The following LRBA variants were observed in gnomAD, a reference collection of about 807,000 sequenced individuals.
LRBA encodes LPS responsive beige-like anchor protein.
LRBA carries 176 observed loss-of-function variants against 330.0 expected under a neutral mutation model. The ratio of observed to expected loss-of-function variants is 0.53; its 90% CI spans 0.47 to 0.60. The LOEUF (loss-of-function observed/expected upper bound fraction) is 0.60, where lower values mean the gene tolerates loss of function less well. Ranked by LOEUF, LRBA falls within the 20% of genes least tolerant of loss-of-function variation. The pLI, the probability that LRBA is intolerant of heterozygous loss-of-function variation, is 0.00. For synonymous variants in LRBA, 1,230 were observed against 1,193.0 expected (o/e 1.03, Z -0.64); for missense variants, 3,259 against 3,444.8 (o/e 0.95, Z 1.35).
intron 40 of LRBA, among the ~76,000 whole-genome samples, chr4:150,563,743 G>A (rs1028999124): frequency 1.2e-4 from 19 of 152,068 alleles, no homozygotes; most frequent in Non-Finnish European, 1.5e-5. Flanking sequence ...ACCAATAACA[G>A]ACAAACAGAG....
At chr4:150,590,931 G>A (rs1026974678) in intron 38 of LRBA, 72 bp from the exon 39 acceptor site, 1 of 1,423,136 alleles carries the variant, frequency 7.0e-7, no homozygotes, top group African/African-American at 1.4e-5. Flanking sequence ...TAGGGGCTTA[G>A]GTAAGGGTAG....
At chr4:150,697,351 A>AAAAAAAAAAAAAG (rs1491393713) in intron 36 of LRBA, among the ~76,000 whole-genome samples, 1 of 147,974 alleles carries the variant, frequency 6.8e-6, no homozygotes, top group African/African-American at 2.5e-5. Context: ...AAAAAAAAAA[A>AAAAAAAAAAAAAG]CAGGGAGAGT....
intron 47 of LRBA, among the ~76,000 whole-genome samples, chr4:150,376,940 A>G (rs9999796): frequency 0.72 from 109,289 of 151,654 alleles, 40,137 homozygotes; most frequent in East Asian, 0.79. Context: ...CCTCAAAGAA[A>G]CCATGCCCAC....
chr4:150,531,920 C>T (rs766737945), intron 40 of LRBA, among the ~76,000 whole-genome samples: 10 of 152,142 alleles, frequency 6.6e-5, no homozygotes, highest in East Asian at 1.9e-4. Context: ...CTCTACCATG[C>T]GTATCATTTA....
chr4:150,569,741 G>C (rs1439008043), intron 40 of LRBA, among the ~76,000 whole-genome samples: 1 of 151,958 alleles, frequency 6.6e-6, no homozygotes, highest in Non-Finnish European at 1.5e-5. Flanking sequence ...ATTTAATAGT[G>C]AGGGCCCAGA....
chr4:150,643,665 T>C (rs1205534855), intron 37 of LRBA, among the ~76,000 whole-genome samples: 2 of 151,960 alleles, frequency 1.3e-5, no homozygotes, highest in Admixed American at 1.3e-4. Flanking sequence ...CAGGGCTTTG[T>C]ACATTTCAAA....
chr4:150,909,988 T>C (rs753212561), intron 9 of LRBA, among the ~76,000 whole-genome samples: 1 of 152,168 alleles, frequency 6.6e-6, no homozygotes, highest in Non-Finnish European at 1.5e-5. Flanking sequence ...AACTCTTTTA[T>C]GCATTTTTAA....
chr4:150,762,804 C>T (rs1735273554), intron 34 of LRBA, among the ~76,000 whole-genome samples: 1 of 151,868 alleles, frequency 6.6e-6, no homozygotes, highest in African/African-American at 2.4e-5. Flanking sequence ...AATCAAAAGG[C>T]CATGTCTGGC....
intron 40 of LRBA, 86 bp from the exon 41 acceptor site, chr4:150,491,121 C>G: frequency 1.8e-6 from 1 of 550,434 alleles, no homozygotes; most frequent in Non-Finnish European, 3.2e-6. Context: ...AGAAAAGACC[C>G]TATTAAGAAA....
At chr4:150,673,246 A>G (rs1459988807) in intron 37 of LRBA, among the ~76,000 whole-genome samples, 1 of 152,210 alleles carries the variant, frequency 6.6e-6, no homozygotes, top group African/African-American at 2.4e-5. Flanking sequence ...TTTAAGACAG[A>G]AAAAAATTGA....
chr4:150,791,597 A>T (rs1180201676), intron 34 of LRBA, among the ~76,000 whole-genome samples: 1 of 152,208 alleles, frequency 6.6e-6, no homozygotes, highest in Admixed American at 6.5e-5. Context: ...GCTCTGTAGA[A>T]GAGACAGCAT....
chr4:150,337,045 A>G (rs1433080222), intron 48 of LRBA, among the ~76,000 whole-genome samples: 1 of 152,248 alleles, frequency 6.6e-6, no homozygotes, highest in Non-Finnish European at 1.5e-5. Context: ...AATGCTAAGA[A>G]GCAAATGTTG....
intron 40 of LRBA, among the ~76,000 whole-genome samples, chr4:150,521,249 A>C (rs1274324979): frequency 1.3e-5 from 2 of 151,872 alleles, no homozygotes; most frequent in Admixed American, 1.3e-4. Context: ...CTTATGTTTG[A>C]GTTTAATTTG....
At chr4:150,387,212 C>T (rs1248520596) in intron 47 of LRBA, among the ~76,000 whole-genome samples, 2 of 151,566 alleles carry the variant, frequency 1.3e-5, no homozygotes, top group East Asian at 1.9e-4. Context: ...GTTGTCTGTT[C>T]ACTCTGTGGA....
intron 53 of LRBA, among the ~76,000 whole-genome samples, chr4:150,295,534 C>A (rs987772266): frequency 2.0e-5 from 3 of 152,100 alleles, no homozygotes; most frequent in Non-Finnish European, 4.4e-5. Context: ...CAAGGTAGTA[C>A]ATGCTCATTA....
At chr4:150,578,152 C>A (rs1370377002) in intron 40 of LRBA, among the ~76,000 whole-genome samples, 4 of 152,316 alleles carry the variant, frequency 2.6e-5, no homozygotes, top group Admixed American at 6.5e-5. Flanking sequence ...CAACTGAATT[C>A]TCTATGCAAG....
chr4:150,913,505 C>T (rs12641297), intron 9 of LRBA, among the ~76,000 whole-genome samples: 106,960 of 152,120 alleles, frequency 0.7, 43,411 homozygotes, highest in Non-Finnish European at 0.91. Flanking sequence ...GCACATTCTA[C>T]TGTTGTTTCA....
At chr4:150,272,681 T>C (rs1746272023) in intron 56 of LRBA, among the ~76,000 whole-genome samples, 1 of 151,132 alleles carries the variant, frequency 6.6e-6, no homozygotes, top group Non-Finnish European at 1.5e-5. Flanking sequence ...CAAGTATCAA[T>C]AGCCAAATCG....
intron 47 of LRBA, among the ~76,000 whole-genome samples, chr4:150,405,585 G>C (rs1404827050): frequency 6.6e-6 from 1 of 151,872 alleles, no homozygotes; most frequent in Admixed American, 6.6e-5. Context: ...TTCTTTAGGA[G>C]ATAAAAGATC....
Sources: allele counts gnomAD v4.1 joint callset (sites outside exome capture counted in the v4.1 genomes callset), GRCh38; gene constraint gnomAD v4.1.1; transcripts MANE v1.5; gene names NCBI Gene and HGNC (gene_info 2026-07-23, HGNC 2026-07-21).